The following RBBP8 variants were observed in gnomAD, a reference collection of about 807,000 sequenced individuals.
RBBP8 encodes RB binding protein 8, endonuclease.
RBBP8 carries 88 observed loss-of-function variants against 108.3 expected under a neutral mutation model. The observed-to-expected ratio is 0.81, with a 90% confidence interval of 0.68 to 0.97. The LOEUF (loss-of-function observed/expected upper bound fraction) is 0.97. RBBP8 is among the 50% of genes least tolerant of loss of function. RBBP8 has a pLI of 0.00. For missense variants in RBBP8, 1,023 were observed against 1,049.0 expected, an observed-to-expected ratio of 0.98 and a Z score of 0.34; for synonymous variants, 332 against 348.2, an observed-to-expected ratio of 0.95 and a Z score of 0.52.
chr18:22,979,162 G>A lies in RBBP8; in HGVS notation c.429-3056G>A, dbSNP rs546326102. Among the ~76,000 whole-genome samples the A allele has an allele frequency of 4.6e-5, 7 of 152,242 alleles. No homozygotes were observed. In the East Asian group the frequency reaches 5.8e-4, roughly 13 times the overall value. On this transcript the variant is annotated intron_variant, in intron 6 of 18. Transcript: ENST00000327155. ...CGCGCAGCTGTAGTCCCAGCTACTC[G>A]GGAGGCTGAGACACAAGAATCACTT...
intron 3 of RBBP8, among the ~76,000 whole-genome samples, chr18:22,948,069 T>G (rs1342198180): frequency 1.3e-5 from 2 of 152,056 alleles, no homozygotes; most frequent in East Asian, 3.9e-4. Flanking sequence ...AGAGTGAAAA[T>G]GTATATGTGT....
chr18:23,002,920 C>G (rs2045972026), intron 15 of RBBP8, among the ~76,000 whole-genome samples: 1 of 152,126 alleles, frequency 6.6e-6, no homozygotes, highest in Non-Finnish European at 1.5e-5. Flanking sequence ...TCCTTTTTCC[C>G]CCCAAGAAGG....
At chr18:22,946,233 T>C (rs1247267992) in intron 2 of RBBP8, 1 of 527,982 alleles carries the variant, frequency 1.9e-6, no homozygotes, top group Non-Finnish European at 3.3e-6. Context: ...ATGGGGAAAA[T>C]GTTATTCCAT....
At position 23,007,986 on chromosome 18, in the gene RBBP8, G is replaced by A. The variant is rs2046087777; in HGVS notation, c.2357+1554G>A. On this transcript the variant is annotated intron_variant, in intron 16 of 18. Coordinates refer to ENST00000327155, the MANE Select transcript of RBBP8 (RefSeq NM_002894.3). ...CACCACAACACCTGGCTAATTTTTT[G>A]TATTTTTAGTAGAGACAGGGTTTCA... Among the ~76,000 whole-genome samples the A allele has an allele frequency of 2.0e-5, 3 of 151,712 alleles. No homozygotes were observed. In the South Asian group the frequency reaches 6.2e-4, roughly 32 times the overall value.
intron 3 of RBBP8, among the ~76,000 whole-genome samples, chr18:22,919,695 G>A (rs1436247621): frequency 6.6e-6 from 1 of 152,008 alleles, no homozygotes; most frequent in African/African-American, 2.4e-5. Flanking sequence ...GGGATTACAG[G>A]GACATGCCAC....
chr18:22,922,059 T>C (rs1344569021), intron 3 of RBBP8, among the ~76,000 whole-genome samples: 1 of 152,204 alleles, frequency 6.6e-6, no homozygotes, highest in Non-Finnish European at 1.5e-5. Flanking sequence ...TTATAACCTA[T>C]AATGTGATCC....
chr18:22,979,320 G>T (rs1337847918), intron 6 of RBBP8, among the ~76,000 whole-genome samples: 2 of 151,888 alleles, frequency 1.3e-5, no homozygotes, highest in Admixed American at 6.5e-5. Flanking sequence ...TTATGTTTAT[G>T]TTTATTTTAT....
intron 6 of RBBP8, among the ~76,000 whole-genome samples, chr18:22,976,069 T>C (rs1914474913): frequency 6.6e-6 from 1 of 152,156 alleles, no homozygotes; most frequent in South Asian, 2.1e-4. Context: ...AGTAGACATC[T>C]ACAAAAACTT....
intron 8 of RBBP8, 47 bp from the exon 9 acceptor site, chr18:22,989,174 A>G: frequency 3.6e-6 from 5 of 1,376,334 alleles, no homozygotes; most frequent in Non-Finnish European, 3.1e-6. Flanking sequence ...ACAGTTTTGT[A>G]AAATTGGTTT....
intron 5 of RBBP8, among the ~76,000 whole-genome samples, chr18:22,971,641 C>CTTT (rs919907678): frequency 1.0e-3 from 111 of 109,220 alleles, no homozygotes; most frequent in Non-Finnish European, 1.3e-3. Context: ...TGTTTAATTT[C>CTTT]TTTTTTTTTT....
chr18:22,928,667 CT>C (rs1161655143), upstream of RBBP8, among the ~76,000 whole-genome samples: 2 of 144,116 alleles, frequency 1.4e-5, no homozygotes, highest in East Asian at 3.9e-4. Context: ...AGGCAATAGC[CT>C]TTTTTTCTTT....
At chr18:22,935,003 TC>T (rs1238202865) in intron 1 of RBBP8, among the ~76,000 whole-genome samples, 7 of 148,542 alleles carry the variant, frequency 4.7e-5, no homozygotes, top group African/African-American at 1.7e-4. Flanking sequence ...ATATTAATAT[TC>T]TATAGTTTCT....
intron 16 of RBBP8, among the ~76,000 whole-genome samples, chr18:23,006,908 C>T (rs916265059): frequency 5.3e-5 from 8 of 151,846 alleles, no homozygotes; most frequent in East Asian, 1.9e-4. Flanking sequence ...AGCATAAAAA[C>T]GACAAATTTT....
Position 22,968,783 on chromosome 18 carries a change from AAAT to A in RBBP8, c.249-21_249-19del, listed in dbSNP as rs1913838904. 1 of 1,591,590 alleles carries A rather than the reference AAAT, an allele frequency of 6.3e-7. No individual in the cohort carries two copies. Among genetic ancestry groups the A allele is most frequent in the Non-Finnish European group, 8.6e-7 (1 of 1,160,856 alleles). ...AAGGAAATCTCTTTTAGTGGATGAAAAATACCTTGTTTTGTTTCATAGGTTAAG... is the reference window on the plus strand; with the variant it reads ...AAGGAAATCTCTTTTAGTGGATGAAAACCTTGTTTTGTTTCATAGGTTAAG... On this transcript the variant is annotated intron_variant, in intron 4 of 18. Coordinates refer to ENST00000327155, the MANE Select transcript of RBBP8 (RefSeq NM_002894.3).
At chr18:22,921,243 T>A (rs540534743) in intron 3 of RBBP8, among the ~76,000 whole-genome samples, 2 of 152,230 alleles carry the variant, frequency 1.3e-5, no homozygotes, top group African/African-American at 4.8e-5. Context: ...CATCCTTGAG[T>A]TCATCCACCA....
chr18:23,002,916 T>C (rs1049665066), intron 15 of RBBP8, among the ~76,000 whole-genome samples: 7 of 152,208 alleles, frequency 4.6e-5, no homozygotes, highest in African/African-American at 1.4e-4. Context: ...GGTATCCTTT[T>C]TCCCCCCAAG....
At chr18:22,961,131 A>G (rs1397478068) in intron 4 of RBBP8, among the ~76,000 whole-genome samples, 2 of 152,240 alleles carry the variant, frequency 1.3e-5, no homozygotes, top group Non-Finnish European at 2.9e-5. Context: ...AAAGCATTAT[A>G]TGTATGTGAC....
Position 22,993,067 on chromosome 18 carries a change from G to T in RBBP8, c.1240G>T (p.Glu414Ter), listed in dbSNP as rs1237369986. 1 of 1,612,648 alleles carries T rather than the reference G, an allele frequency of 6.2e-7. No individual in the cohort carries two copies. Among genetic ancestry groups the T allele is most frequent in the South Asian group, 1.1e-5 (1 of 90,966 alleles). The change falls in exon 11 of 19, where the codon GAA becomes TAA. Residue 414 changes from glutamate to a stop codon, truncating the protein, a stop_gained. Transcript: ENST00000327155. LOFTEE classifies it high-confidence loss of function. ...GATACTTATAAATAAAAATATAAGT[G>T]AATCCCTAGGTGAACAGAATAGGAC... ...KQILINKNIS[E>*]SLGEQNRTEY...
rs1291104262 is a variant in RBBP8, at chr18:22,947,836, C to A, written c.152+1350C>A. 5.3e-5 allele frequency among the ~76,000 whole-genome samples: 8 copies of A among 152,084 alleles called. No homozygotes were observed. In the East Asian group the frequency reaches 1.2e-3, roughly 22 times the overall value. On this transcript the variant is annotated intron_variant, in intron 3 of 18. Transcript: ENST00000327155. ...CTCTTTATGTTACCACTTTCTTGAC[C>A]TGAATATTTTATTAAGTAATTGAAG...
Sources: allele counts gnomAD v4.1 joint callset (sites outside exome capture counted in the v4.1 genomes callset), GRCh38; gene constraint gnomAD v4.1.1; transcripts MANE v1.5; gene names NCBI Gene and HGNC (gene_info 2026-07-23, HGNC 2026-07-21).